Variants in TMX4 observed in about 807,000 individuals in gnomAD.
TMX4 encodes thioredoxin related transmembrane protein 4.
Under a neutral mutation model 33.3 loss-of-function variants are expected in TMX4, and 23 were observed. That is an observed-to-expected ratio of 0.69 (90% CI 0.50 to 0.98). TMX4 has a LOEUF of 0.98. Among genes scored for constraint, TMX4 ranks in the 50% least tolerant of loss-of-function variants. The pLI, the probability that TMX4 is intolerant of heterozygous loss-of-function variation, is 0.00. For missense variants in TMX4, 399 were observed against 448.9 expected (o/e 0.89, Z 1.01); for synonymous variants, 164 against 161.5 (o/e 1.02, Z -0.12).
At chr20:7,985,308 C>G (rs1220902401) in intron 6 of TMX4, among the ~76,000 whole-genome samples, 2 of 142,200 alleles carry the variant, frequency 1.4e-5, no homozygotes, top group African/African-American at 2.7e-5. Flanking sequence ...GGGTCTAGCT[C>G]TGTCACCCAG....
At chr20:7,995,650 G>C (rs1233061289) in intron 5 of TMX4, among the ~76,000 whole-genome samples, 1 of 152,024 alleles carries the variant, frequency 6.6e-6, no homozygotes, top group African/African-American at 2.4e-5. Context: ...CCATCCACAG[G>C]CTAGAGTTTG....
At chr20:7,997,141 A>C (rs1477352381) in intron 4 of TMX4, among the ~76,000 whole-genome samples, 2 of 152,046 alleles carry the variant, frequency 1.3e-5, no homozygotes, top group Non-Finnish European at 2.9e-5. Context: ...CCTTTGGCTG[A>C]CTTCTCAACA....
intron 1 of TMX4, among the ~76,000 whole-genome samples, chr20:8,011,181 A>G (rs2050751607): frequency 1.3e-5 from 2 of 151,976 alleles, no homozygotes; most frequent in African/African-American, 4.8e-5. Context: ...CCTCCAATTT[A>G]TTTTTCATTT....
intron 1 of TMX4, among the ~76,000 whole-genome samples, chr20:8,018,466 GGGAGGGAGGGAGGGGGAGAGAGA>G (rs2050791026): frequency 2.2e-5 from 1 of 45,204 alleles, no homozygotes; most frequent in African/African-American, 1.3e-4. Flanking sequence ...GAGGGAGGGA[GGGAGGGAGGGAGGGGGAGAGAGA>G]GAGAGAGAGA....
intron 5 of TMX4, among the ~76,000 whole-genome samples, chr20:7,995,466 G>T (rs984057197): frequency 6.6e-6 from 1 of 152,064 alleles, no homozygotes; most frequent in Non-Finnish European, 1.5e-5. Flanking sequence ...CATATAGCAG[G>T]GGTCTACTAC....
intron 2 of TMX4, 135 bp from the exon 3 acceptor site, chr20:8,001,676 G>T: frequency 1.2e-6 from 1 of 849,446 alleles, no homozygotes; most frequent in Non-Finnish European, 1.8e-6. Context: ...TTGACTTACA[G>T]AAATTTCATT....
Position 8,019,466 on chromosome 20 carries a change from C to A in TMX4, c.148G>T (p.Val50Leu), listed in dbSNP as rs539795722. Reference sequence around the variant, plus strand: ...TTCAGCATCCACTCGCCCTCCATCACCAGCGTCCAGTTGGAGGCGGTCATG... The same window carrying A: ...TTCAGCATCCACTCGCCCTCCATCAACAGCGTCCAGTTGGAGGCGGTCATG... ...QPMTASNWTL[V>L]MEGEWMLKFY... The change falls in exon 1 of 8, where the codon GTG (valine) becomes TTG (leucine). Residue 50 changes from valine (V) to leucine (L), a missense_variant. By Grantham distance (32) the Val-to-Leu change is conservative. Coordinates refer to ENST00000246024, the MANE Select transcript of TMX4 (RefSeq NM_021156.4). 4.6e-6 allele frequency: 7 copies of A among 1,518,478 alleles called. No homozygotes were observed. The African/African-American group carries it at 8.7e-5, about 19-fold the overall frequency. The allele number at this position is 1,518,478 out of a possible 1,614,324, so 94.1% of individuals were successfully genotyped here.
intron 2 of TMX4, among the ~76,000 whole-genome samples, chr20:8,004,124 C>CAA (rs755739694): frequency 0.01 from 1,379 of 132,380 alleles, 12 homozygotes; most frequent in Middle Eastern, 0.027. Context: ...AAATTCATCT[C>CAA]AAAAAAAAAA....
At chr20:8,005,927 A>G (rs1313557066) in intron 2 of TMX4, among the ~76,000 whole-genome samples, 1 of 151,976 alleles carries the variant, frequency 6.6e-6, no homozygotes, top group East Asian at 1.9e-4. Flanking sequence ...AAAACCTTGC[A>G]CTCATTCTCC....
chr20:8,001,964 G>C (rs2050709337), intron 2 of TMX4, among the ~76,000 whole-genome samples: 1 of 152,050 alleles, frequency 6.6e-6, no homozygotes, highest in Admixed American at 6.5e-5. Flanking sequence ...GCATGGTGCT[G>C]GGTACATAGT....
chr20:7,982,585 T>G lies in TMX4; in HGVS notation c.716A>C (p.Glu239Ala). 6.2e-7 allele frequency: 1 copy of G among 1,613,512 alleles called. No homozygotes were observed. The highest frequency in any genetic ancestry group is 8.5e-7 in the Non-Finnish European group (1 of 1,179,976). Reference protein sequence around the residue: ...NRRSEEAHRAEQLQDAEEEKD... With the variant: ...NRRSEEAHRAAQLQDAEEEKD... ...TTCCTCCTCCGCATCCTGCAACTGT[T>G]CAGCTCTATGAGCCTCCTCTGATCT... Residue 239 changes from glutamate (E) to alanine (A), a missense_variant, in exon 8 of 8, where the codon GAA (glutamate) becomes GCA (alanine). Physicochemically the swap from Glu to Ala is moderately radical, Grantham distance 107. Coordinates refer to ENST00000246024, the MANE Select transcript of TMX4 (RefSeq NM_021156.4).
chr20:7,985,345 C>T (rs1379981374), intron 6 of TMX4, among the ~76,000 whole-genome samples: 1 of 149,554 alleles, frequency 6.7e-6, no homozygotes, highest in East Asian at 2.0e-4. Context: ...AAGATTATGG[C>T]TCACAGCAGC....
chr20:8,004,938 ATGT>A (rs1362244146), intron 2 of TMX4, among the ~76,000 whole-genome samples: 1 of 152,244 alleles, frequency 6.6e-6, no homozygotes, highest in East Asian at 1.9e-4. Flanking sequence ...TGCTTACTAA[ATGT>A]TGTTATTATC....
At chr20:7,993,097 G>A (rs1459067695) in intron 5 of TMX4, among the ~76,000 whole-genome samples, 2 of 152,194 alleles carry the variant, frequency 1.3e-5, no homozygotes, top group Non-Finnish European at 2.9e-5. Flanking sequence ...GCTGAGGAAA[G>A]ACTGATTTCT....
chr20:7,978,293 G>T lies in TMX4; in HGVS notation c.*3958C>A, dbSNP rs2050589179. ...GATTTTATGCTGAAATCTCAGGTTT[G>T]CCGTAACTTTTCCACCTTTTTTTAA... On this transcript the variant is annotated 3_prime_UTR_variant, in exon 8 of 8. Coordinates refer to ENST00000246024, the MANE Select transcript of TMX4 (RefSeq NM_021156.4). 6.6e-6 allele frequency: 1 copy of T among 152,118 alleles called. No individual in the cohort carries two copies. Among genetic ancestry groups the T allele is most frequent in the African/African-American group, 2.4e-5 (1 of 41,432 alleles). The allele number at this position is 152,118 out of a possible 1,614,324, so 9.4% of individuals were successfully genotyped here. A position where few individuals can be genotyped will look rare whatever the true frequency, so the allele number is the denominator to read the frequency against.
At chr20:8,004,449 T>C (rs970981741) in intron 2 of TMX4, among the ~76,000 whole-genome samples, 2 of 152,224 alleles carry the variant, frequency 1.3e-5, no homozygotes, top group Non-Finnish European at 2.9e-5. Context: ...CCTAAGCTTT[T>C]CAGTAAAAAG....
intron 1 of TMX4, chr20:8,013,917 A>T (rs905799582): frequency 2.6e-5 from 4 of 152,212 alleles, no homozygotes; most frequent in African/African-American, 9.7e-5. Context: ...AACTTTGATC[A>T]AAATGCTCAG....
At chr20:7,989,460 G>C (rs1279717838) in intron 5 of TMX4, among the ~76,000 whole-genome samples, 1 of 152,064 alleles carries the variant, frequency 6.6e-6, no homozygotes. Flanking sequence ...TAAATCATTT[G>C]CTTTTGAAGC....
rs774035866 is a variant in TMX4 at position 8,019,542 on chromosome 20, C to G, written c.72G>C (p.Thr24=). Residue 24 remains threonine (T), a synonymous_variant, in exon 1 of 8, where the codon ACG becomes ACC. Coordinates refer to ENST00000246024, the MANE Select transcript of TMX4 (RefSeq NM_021156.4). The stretch of plus-strand genomic sequence containing the variant: ...GCAGCGCGGCCTCCTCGGGGCCTGC[C>G]GTCGCCGCCACAGCCGCGATCCAGG... ...LAAWIAAVAA[T]AGPEEAALPP... 5 of 1,473,792 alleles carry G rather than the reference C, an allele frequency of 3.4e-6. No homozygotes were observed. Among genetic ancestry groups the G allele is most frequent in the African/African-American group, 2.9e-5 (2 of 67,828 alleles). The allele number at this position is 1,473,792 out of a possible 1,614,324, so 91.3% of individuals were successfully genotyped here.
Sources: allele counts gnomAD v4.1 joint callset (sites outside exome capture counted in the v4.1 genomes callset), GRCh38; gene constraint gnomAD v4.1.1; transcripts MANE v1.5; gene names NCBI Gene and HGNC (gene_info 2026-07-23, HGNC 2026-07-21).